CSMD3: variants seen among roughly 807,000 people sequenced by gnomAD.
CSMD3 encodes the protein CUB and sushi domain-containing protein 3.
Under a neutral mutation model 435.2 loss-of-function variants are expected in CSMD3, and 177 were observed. That is an observed-to-expected ratio of 0.41 (90% CI 0.36 to 0.46). CSMD3 has a LOEUF of 0.46. CSMD3 is among the 20% of genes least tolerant of loss of function. The pLI is 0.34. For missense variants in CSMD3, 4,265 were observed against 4,504.6 expected (o/e 0.95, Z 1.52); for synonymous variants, 1,656 against 1,520.5 (o/e 1.09, Z -2.07).
intron 28 of CSMD3, among the ~76,000 whole-genome samples, chr8:112,513,299 T>G (rs1823322528): frequency 6.6e-6 from 1 of 152,158 alleles, no homozygotes; most frequent in South Asian, 2.1e-4. Flanking sequence ...AGCTTTTAAT[T>G]TACAGTGACA....
intron 1 of CSMD3, among the ~76,000 whole-genome samples, chr8:113,372,952 A>AG (rs1276414163): frequency 2.1e-4 from 32 of 151,898 alleles, no homozygotes; most frequent in East Asian, 7.7e-4. Flanking sequence ...AAAAAAAAAA[A>AG]AAAGAAAGAA....
At chr8:112,410,584 A>T (rs1245047846) in intron 32 of CSMD3, among the ~76,000 whole-genome samples, 2 of 135,448 alleles carry the variant, frequency 1.5e-5, no homozygotes, top group Non-Finnish European at 3.2e-5. Flanking sequence ...GTATATACAT[A>T]CATATGTATA....
At position 113,173,753 on chromosome 8, in the gene CSMD3, A is replaced by G. The variant is rs774768337; in HGVS notation, c.678T>C (p.Ala226=). 104 of 1,613,522 alleles carry G rather than the reference A, an allele frequency of 6.4e-5. No homozygotes were observed. The highest frequency in any genetic ancestry group is 8.6e-5 in the Non-Finnish European group (101 of 1,179,636). The change falls in exon 4 of 71, where the codon GCT becomes GCC. Residue 226 remains alanine, a synonymous_variant. Coordinates refer to ENST00000297405, the MANE Select transcript of CSMD3 (RefSeq NM_198123.2). ...LTCIANSVNT[A]SWDFPVPICR... is the part of the protein sequence containing the mutation. ...AGATAGGAACAGGAAAATCCCACGA[A>G]GCTGTATTAACTGAATTGGCTATGC...
chr8:113,262,693 T>C (rs1050907097), intron 3 of CSMD3, among the ~76,000 whole-genome samples: 6 of 152,046 alleles, frequency 3.9e-5, no homozygotes, highest in African/African-American at 1.4e-4. Flanking sequence ...AGGGAGCCTC[T>C]AAAACGTAAG....
At chr8:112,389,987 A>C (rs897656665) in intron 36 of CSMD3, among the ~76,000 whole-genome samples, 2 of 152,202 alleles carry the variant, frequency 1.3e-5, no homozygotes, top group Non-Finnish European at 2.9e-5. Flanking sequence ...TTGCTAACAC[A>C]GATCTGGCTT....
At chr8:112,320,652 C>A (rs375732396) in intron 45 of CSMD3, among the ~76,000 whole-genome samples, 9 of 145,856 alleles carry the variant, frequency 6.2e-5, no homozygotes, top group African/African-American at 2.3e-4. Flanking sequence ...CCCTCCACCC[C>A]ACGACAGGCC....
At chr8:113,152,316 T>A (rs2091826160) in intron 4 of CSMD3, among the ~76,000 whole-genome samples, 1 of 152,024 alleles carries the variant, frequency 6.6e-6, no homozygotes, top group Admixed American at 6.6e-5. Flanking sequence ...AAACATAAAA[T>A]ACTCTCTATT....
chr8:112,809,061 C>T (rs1053122521), intron 12 of CSMD3, among the ~76,000 whole-genome samples: 3 of 152,104 alleles, frequency 2.0e-5, no homozygotes, highest in South Asian at 4.1e-4. Context: ...TGCAAACAAG[C>T]GTGATATTTT....
intron 5 of CSMD3, among the ~76,000 whole-genome samples, chr8:113,024,696 T>A (rs2086808207): frequency 6.6e-6 from 1 of 152,202 alleles, no homozygotes; most frequent in African/African-American, 2.4e-5. Flanking sequence ...ATTTTCTGGA[T>A]GACTAGTGAT....
chr8:112,593,985 T>G (rs957843064), intron 22 of CSMD3, among the ~76,000 whole-genome samples: 2 of 152,130 alleles, frequency 1.3e-5, no homozygotes, highest in East Asian at 3.9e-4. Context: ...CATTTATATT[T>G]TAAGTGAAAG....
At chr8:112,843,013 A>T (rs981100199) in intron 11 of CSMD3, among the ~76,000 whole-genome samples, 3 of 151,900 alleles carry the variant, frequency 2.0e-5, no homozygotes, top group Non-Finnish European at 4.4e-5. Context: ...ATATGTGATG[A>T]TAAAAGAAGT....
chr8:112,664,877 T>C (rs1439923357), intron 17 of CSMD3, among the ~76,000 whole-genome samples: 1 of 152,108 alleles, frequency 6.6e-6, no homozygotes, highest in Non-Finnish European at 1.5e-5. Context: ...GTGAGAAAAT[T>C]AGTTTTTGTT....
chr8:112,441,203 C>T (rs1355331721), intron 32 of CSMD3, among the ~76,000 whole-genome samples: 3 of 152,046 alleles, frequency 2.0e-5, no homozygotes, highest in African/African-American at 4.8e-5. Context: ...GGGTAAAATG[C>T]CACCAGTCTC....
intron 10 of CSMD3, among the ~76,000 whole-genome samples, chr8:112,871,954 C>G (rs931828095): frequency 2.0e-5 from 3 of 151,924 alleles, no homozygotes; most frequent in African/African-American, 7.2e-5. Context: ...TCATTTTATT[C>G]TTATTTTCCT....
intron 13 of CSMD3, among the ~76,000 whole-genome samples, chr8:112,718,507 A>G (rs1360860242): frequency 6.8e-6 from 1 of 146,676 alleles, no homozygotes; most frequent in East Asian, 2.0e-4. Flanking sequence ...ATGTGTGTGT[A>G]TATATATGTA....
chr8:112,443,248 C>T (rs78476158), intron 32 of CSMD3, among the ~76,000 whole-genome samples: 456 of 152,278 alleles, frequency 3.0e-3, no homozygotes, highest in African/African-American at 0.011. Flanking sequence ...TAAGGCCTAA[C>T]TCTGATTCGT....
At chr8:112,705,729 C>A (rs1210192117) in intron 13 of CSMD3, among the ~76,000 whole-genome samples, 1 of 151,934 alleles carries the variant, frequency 6.6e-6, no homozygotes, top group East Asian at 1.9e-4. Context: ...TTTTAAAATT[C>A]TCTGGCACAC....
At position 112,345,108 on chromosome 8, in the gene CSMD3, A is replaced by G. The variant is rs540059643; in HGVS notation, c.6442+989T>C. 7.2e-4 allele frequency among the ~76,000 whole-genome samples: 110 copies of G among 152,264 alleles called. 1 individual carries two copies. The Middle Eastern group carries it at 0.01, about 14-fold the overall frequency. The stretch of plus-strand genomic sequence containing the variant: ...TATCAGTCTATACATCTCTATATAT[A>G]ATTATAAAATGACCTGGCACACTGT... On this transcript the variant is annotated intron_variant, in intron 41 of 70. Coordinates refer to ENST00000297405, the MANE Select transcript of CSMD3 (RefSeq NM_198123.2).
chr8:113,384,863 G>T (rs545363214), intron 1 of CSMD3, among the ~76,000 whole-genome samples: 9 of 152,102 alleles, frequency 5.9e-5, no homozygotes, highest in Admixed American at 3.3e-4. Flanking sequence ...AGAATAAATT[G>T]AGTTTGCAGA....
Sources: allele counts gnomAD v4.1 joint callset (sites outside exome capture counted in the v4.1 genomes callset), GRCh38; gene constraint gnomAD v4.1.1; transcripts MANE v1.5; gene names NCBI Gene and HGNC (gene_info 2026-07-23, HGNC 2026-07-21).